LSM14A: variants seen among roughly 807,000 people sequenced by gnomAD.
LSM14A encodes the protein LSM14A mRNA processing body assembly factor, also known as protein LSM14 homolog A.
In LSM14A, 14 loss-of-function variants were observed where a neutral mutation model predicts 52.4. The ratio of observed to expected loss-of-function variants is 0.27; its 90% CI spans 0.18 to 0.42. The LOEUF is 0.42. LSM14A is among the 10% of genes least tolerant of loss of function. LSM14A has a pLI of 1.00. For missense variants in LSM14A, 417 were observed against 581.8 expected (o/e 0.72, Z 2.91); for synonymous variants, 185 against 200.3 (o/e 0.92, Z 0.64).
chr19:34,199,271 T>C (rs2071112561), intron 3 of LSM14A, among the ~76,000 whole-genome samples: 2 of 151,964 alleles, frequency 1.3e-5, no homozygotes. Context: ...ATTATAGGCA[T>C]GCACCACCAC....
intron 9 of LSM14A, among the ~76,000 whole-genome samples, chr19:34,223,799 A>C (rs1292244572): frequency 1.3e-5 from 2 of 152,236 alleles, no homozygotes; most frequent in African/African-American, 2.4e-5. Flanking sequence ...AGATGAGAAT[A>C]ATAGCAGTAG....
At chr19:34,174,282 G>A (rs2068926221) in intron 1 of LSM14A, among the ~76,000 whole-genome samples, 1 of 152,192 alleles carries the variant, frequency 6.6e-6, no homozygotes, top group Non-Finnish European at 1.5e-5. Context: ...CTGGTGTTGG[G>A]ACAAATCTTA....
intron 3 of LSM14A, among the ~76,000 whole-genome samples, chr19:34,205,249 G>A (rs370502582): frequency 4.6e-5 from 7 of 152,118 alleles, no homozygotes; most frequent in Non-Finnish European, 8.8e-5. Context: ...CACTTTGGGA[G>A]GTCAAGGCGG....
At chr19:34,204,874 A>G (rs906196610) in intron 3 of LSM14A, among the ~76,000 whole-genome samples, 5 of 152,120 alleles carry the variant, frequency 3.3e-5, no homozygotes, top group Non-Finnish European at 7.4e-5. Flanking sequence ...GCTCATGCCT[A>G]TGATCCCAGC....
chr19:34,179,932 G>A (rs1012374163), intron 1 of LSM14A, among the ~76,000 whole-genome samples: 1 of 152,058 alleles, frequency 6.6e-6, no homozygotes, highest in Non-Finnish European at 1.5e-5. Flanking sequence ...AGTAAATTTT[G>A]TTGTTGTTGT....
At chr19:34,175,634 G>T (rs993318299) in intron 1 of LSM14A, among the ~76,000 whole-genome samples, 2 of 152,158 alleles carry the variant, frequency 1.3e-5, no homozygotes, top group African/African-American at 4.8e-5. Context: ...TAGTCTACAT[G>T]ATATTATCTA....
At chr19:34,208,113 T>C (rs867626343) in intron 3 of LSM14A, 1 of 152,164 alleles carries the variant, frequency 6.6e-6, no homozygotes, top group East Asian at 1.9e-4. Context: ...GTTTGAACTT[T>C]TATCTTGAGG....
intron 7 of LSM14A, 36 bp from the exon 8 acceptor site, chr19:34,219,670 T>C (rs985166364): frequency 6.3e-7 from 1 of 1,583,702 alleles, no homozygotes; most frequent in Non-Finnish European, 8.6e-7. Flanking sequence ...TCAGATTAGC[T>C]GTCTTGACTT....
At chr19:34,194,907 G>A (rs1159459254) in intron 2 of LSM14A, among the ~76,000 whole-genome samples, 1 of 152,146 alleles carries the variant, frequency 6.6e-6, no homozygotes, top group South Asian at 2.1e-4. Context: ...CTACTCTGTA[G>A]AAGTGCTGTG....
At chr19:34,217,544 TATG>T (rs752344025) in intron 6 of LSM14A, among the ~76,000 whole-genome samples, 1 of 149,038 alleles carries the variant, frequency 6.7e-6, no homozygotes, top group African/African-American at 2.5e-5. Context: ...GAAATCTAGA[TATG>T]ATATTTTTAG....
Position 34,172,597 on chromosome 19 carries a change from G to A in LSM14A, c.-46G>A. Reference sequence around the variant, plus strand: ...CGTGCGGAGCGGGCGACAGTGGCGTGGGATCTGCCTCTCTGCGAGCAGCTG... The same window carrying A: ...CGTGCGGAGCGGGCGACAGTGGCGTAGGATCTGCCTCTCTGCGAGCAGCTG... On this transcript the variant is annotated 5_prime_UTR_variant, in exon 1 of 10. Transcript: ENST00000544216. 1 of 1,516,196 alleles carries A rather than the reference G, an allele frequency of 6.6e-7. No individual in the cohort carries two copies. Among genetic ancestry groups the A allele is most frequent in the East Asian group, 2.8e-5 (1 of 35,558 alleles). The allele number at this position is 1,516,196 out of a possible 1,614,324, so 93.9% of individuals were successfully genotyped here.
chr19:34,191,861 C>T (rs1436289438), intron 1 of LSM14A, among the ~76,000 whole-genome samples: 1 of 152,178 alleles, frequency 6.6e-6, no homozygotes, highest in Non-Finnish European at 1.5e-5. Flanking sequence ...CCTTTCTCCT[C>T]CTTATCCTTC....
intron 1 of LSM14A, among the ~76,000 whole-genome samples, chr19:34,175,218 CTTTTTCTTTTTCT>C (rs1168188227): frequency 1.3e-5 from 2 of 150,958 alleles, no homozygotes; most frequent in Non-Finnish European, 3.0e-5. Context: ...TCATTATATG[CTTTTTCTTTTTCT>C]TTTTTTTTTT....
intron 1 of LSM14A, among the ~76,000 whole-genome samples, chr19:34,186,700 ATTTAAG>A (rs2145569161): frequency 6.6e-6 from 1 of 152,316 alleles, no homozygotes; most frequent in East Asian, 1.9e-4. Flanking sequence ...CTTTGTTAGA[ATTTAAG>A]TTTGAGTATG....
chr19:34,197,431 C>CTTT (rs531343486), intron 3 of LSM14A, among the ~76,000 whole-genome samples: 38 of 63,298 alleles, frequency 6.0e-4, no homozygotes, highest in South Asian at 1.4e-3. Flanking sequence ...ATTTCTTTTT[C>CTTT]TTTTTTTTTT....
chr19:34,190,217 C>G (rs2070259095), intron 1 of LSM14A, among the ~76,000 whole-genome samples: 1 of 152,118 alleles, frequency 6.6e-6, no homozygotes, highest in Non-Finnish European at 1.5e-5. Context: ...TCTAATCTCT[C>G]TTGTGGAATT....
At chr19:34,188,739 C>T (rs903784245) in intron 1 of LSM14A, among the ~76,000 whole-genome samples, 40 of 152,236 alleles carry the variant, frequency 2.6e-4, no homozygotes, top group African/African-American at 9.6e-4. Context: ...TTTTACTCAG[C>T]ATAATGCTTT....
At chr19:34,198,946 C>G (rs1193225995) in intron 3 of LSM14A, among the ~76,000 whole-genome samples, 2 of 151,818 alleles carry the variant, frequency 1.3e-5, no homozygotes, top group Non-Finnish European at 2.9e-5. Context: ...AAGATCGTAC[C>G]ACTGCACTCC....
chr19:34,198,714 C>T lies in LSM14A; in HGVS notation c.415+1951C>T, dbSNP rs374134330. Among the ~76,000 whole-genome samples the T allele has an allele frequency of 4.2e-4, 64 of 152,074 alleles. No homozygotes were observed. In the South Asian group the frequency reaches 4.6e-3, roughly 11 times the overall value. On this transcript the variant is annotated intron_variant, in intron 3 of 9. Transcript: ENST00000544216. The stretch of plus-strand genomic sequence containing the variant: ...ATATAACCACACAGAGGGCTGGGTG[C>T]GGTGGCTTACGCCTGTAATCCCAGC...
Sources: allele counts gnomAD v4.1 joint callset (sites outside exome capture counted in the v4.1 genomes callset), GRCh38; gene constraint gnomAD v4.1.1; transcripts MANE v1.5; gene names NCBI Gene and HGNC (gene_info 2026-07-23, HGNC 2026-07-21).